Variants in TEX2 observed in about 807,000 individuals in gnomAD.
TEX2 encodes testis expressed 2.
Under a neutral mutation model 106.9 loss-of-function variants are expected in TEX2, and 53 were observed. The observed-to-expected ratio is 0.50, with a 90% CI of 0.40 to 0.62. The LOEUF is 0.62. Among genes scored for constraint, TEX2 ranks in the 20% least tolerant of loss-of-function variants. The pLI is 0.00. For missense variants in TEX2, 1,207 were observed against 1,379.0 expected (o/e 0.88, Z 1.98); for synonymous variants, 523 against 534.8 (o/e 0.98, Z 0.30).
rs141351774 is a variant in TEX2 at position 64,243,581 on chromosome 17, A to G, written c.-26+19587T>C. ...CTAATCTTACTGAGGAACAACCAAC[A>G]AGGGACATTCCCAGCTGAACGCTTT... On this transcript the variant is annotated intron_variant, in intron 1 of 11. Coordinates refer to ENST00000584379, the MANE Select transcript of TEX2 (RefSeq NM_001288732.2). Among the ~76,000 whole-genome samples the G allele has an allele frequency of 8.0e-3, 1,220 of 152,216 alleles. 6 individuals carry two copies. The highest frequency in any genetic ancestry group is 0.011 in the Non-Finnish European group (726 of 68,004).
At chr17:64,179,459 G>C (rs1176111606) in intron 5 of TEX2, among the ~76,000 whole-genome samples, 27 of 152,150 alleles carry the variant, frequency 1.8e-4, no homozygotes, top group Admixed American at 1.8e-3. Context: ...TACACAGTGT[G>C]GAAGCTTTGT....
intron 1 of TEX2, among the ~76,000 whole-genome samples, chr17:64,232,745 C>T (rs2143326431): frequency 6.6e-6 from 1 of 152,328 alleles, no homozygotes; most frequent in East Asian, 1.9e-4. Flanking sequence ...TACAGGGTTG[C>T]AATTCCAAAC....
At chr17:64,196,291 A>C (rs1328424618) in intron 2 of TEX2, among the ~76,000 whole-genome samples, 2 of 152,238 alleles carry the variant, frequency 1.3e-5, no homozygotes, top group African/African-American at 2.4e-5. Context: ...TTAGGTCTTC[A>C]TTCCCGTATC....
Position 64,171,184 on chromosome 17 carries a change from T to C in TEX2, c.2587A>G (p.Asn863Asp). 6.2e-7 allele frequency: 1 copy of C among 1,613,966 alleles called. No individual in the cohort carries two copies. The highest frequency in any genetic ancestry group is 8.5e-7 in the Non-Finnish European group (1 of 1,179,896). Residue 863 changes from asparagine (N) to aspartate (D), a missense_variant, in exon 7 of 12, where the codon AAT becomes GAT. Physicochemically the swap from Asn to Asp is conservative, Grantham distance 23 (BLOSUM62 1). Coordinates refer to ENST00000584379, the MANE Select transcript of TEX2 (RefSeq NM_001288732.2). The stretch of plus-strand genomic sequence containing the variant: ...TCAAGTTCCGTCAGAGTGAGCTCAT[T>C]CATAAAGTAGGGGAGCTAGAGGAAA... ...LSKIKLPYFM[N>D]ELTLTELDMG...
rs1441464839 is a variant in TEX2, at chr17:64,212,893, A to G, written c.1325T>C (p.Ile442Thr). Residue 442 changes from isoleucine (I) to threonine (T), a missense_variant, in exon 2 of 12, where the codon ATT (isoleucine) becomes ACT (threonine). Ile to Thr is a moderately conservative substitution (Grantham distance 89). Transcript: ENST00000584379. Reference protein sequence around the residue: ...GESKVDKLSDIPLKPEVLAED... With the variant: ...GESKVDKLSDTPLKPEVLAED... ...CGCGAGCACCTCTGGCTTGAGAGGA[A>G]TATCTGAGAGCTTATCAACTTTACT... 6.2e-7 allele frequency: 1 copy of G among 1,614,202 alleles called. No homozygotes were observed. The highest frequency in any genetic ancestry group is 2.2e-5 in the East Asian group (1 of 44,890).
At chr17:64,249,718 C>T (rs143202611) in intron 1 of TEX2, among the ~76,000 whole-genome samples, 2 of 152,132 alleles carry the variant, frequency 1.3e-5, no homozygotes, top group East Asian at 1.9e-4. Context: ...TTTTCTCTTC[C>T]CTAAGATTTT....
At chr17:64,196,987 T>TTTTTTTTTTG (rs2032494188) in intron 2 of TEX2, among the ~76,000 whole-genome samples, 1 of 141,464 alleles carries the variant, frequency 7.1e-6, no homozygotes, top group Non-Finnish European at 1.5e-5. Context: ...TCAAGATTTT[T>TTTTTTTTTTG]TTTTTTTTTT....
At chr17:64,244,939 C>T (rs2033959605) in intron 1 of TEX2, among the ~76,000 whole-genome samples, 4 of 152,144 alleles carry the variant, frequency 2.6e-5, no homozygotes, top group Admixed American at 2.6e-4. Context: ...CTCTGAAAAT[C>T]TCACTTTCAT....
At chr17:64,212,040 G>A (rs1417915646) in intron 2 of TEX2, among the ~76,000 whole-genome samples, 3 of 152,148 alleles carry the variant, frequency 2.0e-5, no homozygotes, top group Non-Finnish European at 4.4e-5. Flanking sequence ...AATTGTCCCA[G>A]GGACCCCTCA....
chr17:64,218,404 ACT>A (rs1555632878), intron 1 of TEX2, among the ~76,000 whole-genome samples: 1 of 102,378 alleles, frequency 9.8e-6, no homozygotes, highest in African/African-American at 3.8e-5. Context: ...GGACACTTTC[ACT>A]TTTTTTTTTT....
rs949914364 is a variant in TEX2 at position 64,147,614 on chromosome 17, G to A, written c.*1355C>T. 4.6e-5 allele frequency: 7 copies of A among 152,674 alleles called. No homozygotes were observed. Among genetic ancestry groups the A allele is most frequent in the East Asian group, 1.9e-4 (1 of 5,190 alleles). The allele number at this position is 152,674 out of a possible 1,614,324, so 9.5% of individuals were successfully genotyped here. A position where few individuals can be genotyped will look rare whatever the true frequency, so the allele number is the denominator to read the frequency against. ...TTATAAAGACCAGTGACCAGGACACGTGGACTCTGACAGGCAGATCGGCCT... is the reference window on the plus strand; with the variant it reads ...TTATAAAGACCAGTGACCAGGACACATGGACTCTGACAGGCAGATCGGCCT... On this transcript the variant is annotated 3_prime_UTR_variant, in exon 12 of 12. Coordinates refer to ENST00000584379, the MANE Select transcript of TEX2 (RefSeq NM_001288732.2).
intron 1 of TEX2, among the ~76,000 whole-genome samples, chr17:64,236,157 T>C (rs775379374): frequency 6.6e-6 from 1 of 151,662 alleles, no homozygotes; most frequent in Non-Finnish European, 1.5e-5. Flanking sequence ...ATCGAAAATA[T>C]TCGGGGAAAA....
At chr17:64,229,671 C>A (rs1422664158) in intron 1 of TEX2, among the ~76,000 whole-genome samples, 1 of 152,110 alleles carries the variant, frequency 6.6e-6, no homozygotes, top group East Asian at 1.9e-4. Context: ...GTGTATATAA[C>A]ACACATAACA....
intron 2 of TEX2, among the ~76,000 whole-genome samples, chr17:64,201,376 G>C (rs8078904): frequency 0.77 from 116,767 of 152,124 alleles, 45,280 homozygotes; most frequent in Middle Eastern, 0.85. Flanking sequence ...TTTGTTTAGA[G>C]TTTATAAAGA....
intron 8 of TEX2, chr17:64,155,172 T>A: frequency 2.0e-6 from 1 of 502,938 alleles, no homozygotes; most frequent in Non-Finnish European, 3.2e-6. Flanking sequence ...CTCAGGACAC[T>A]CTTCAGCACC....
In TEX2 at chr17:64,219,510, A is replaced by ATAACATAACATAACATAACATAACATAAC. The variant is rs1567951454; in HGVS notation, c.-25-5269_-25-5268insGTTATGTTATGTTATGTTATGTTATGTTA. On this transcript the variant is annotated intron_variant, in intron 1 of 11. Transcript: ENST00000584379. The stretch of plus-strand genomic sequence containing the variant: ...AACAGAGTGAGACTCCATCTCATCA[A>ATAACATAACATAACATAACATAACATAAC]ATAAAATAAAATAAAATAAAATAAA... 1.8e-4 allele frequency among the ~76,000 whole-genome samples: 18 copies of ATAACATAACATAACATAACATAACATAAC among 99,276 alleles called. 1 individual carries two copies. The highest frequency in any genetic ancestry group is 6.7e-4 in the African/African-American group (18 of 26,910). 65.1% of individuals were successfully genotyped at this position (99,276 alleles called of 152,430 possible).
rs2033054193 is a variant in TEX2, at chr17:64,212,957, G to A, written c.1261C>T (p.Leu421=). The part of the protein sequence containing the change: ...VSKEDEEFCE[L]YTEDFDLETE... ...TCCAAATCGAAGTCCTCAGTGTACA[G>A]TTCACAAAACTCTTCATCTTCTTTG... Residue 421 remains leucine, a synonymous_variant, in exon 2 of 12, where the codon CTG becomes TTG. Coordinates refer to ENST00000584379, the MANE Select transcript of TEX2 (RefSeq NM_001288732.2). 2 of 1,614,106 alleles carry A rather than the reference G, an allele frequency of 1.2e-6. No individual in the cohort carries two copies. Among genetic ancestry groups the A allele is most frequent in the African/African-American group, 2.7e-5 (2 of 74,920 alleles).
chr17:64,242,764 C>T (rs537602746), intron 1 of TEX2, among the ~76,000 whole-genome samples: 26 of 152,216 alleles, frequency 1.7e-4, no homozygotes, highest in African/African-American at 6.3e-4. Flanking sequence ...ATAATACAGG[C>T]ACGCAATGCC....
chr17:64,224,961 C>T (rs1156599104), intron 1 of TEX2, among the ~76,000 whole-genome samples: 1 of 152,112 alleles, frequency 6.6e-6, no homozygotes, highest in Non-Finnish European at 1.5e-5. Flanking sequence ...CAGGGGAAAA[C>T]TCAAGGAGAC....
Sources: gnomAD v4.1 joint callset for allele counts (sites outside exome capture counted in the v4.1 genomes callset) on GRCh38, gnomAD v4.1.1 for gene constraint, MANE v1.5 for transcripts, NCBI Gene and HGNC (gene_info 2026-07-23, HGNC 2026-07-21) for gene names.